EPHB1: variants seen among roughly 807,000 people sequenced by gnomAD.
EPHB1 encodes ephrin type-B receptor 1.
Under a neutral mutation model 94.4 loss-of-function variants are expected in EPHB1, and 30 were observed. That is an observed-to-expected ratio of 0.32 (90% CI 0.24 to 0.43). The LOEUF (loss-of-function observed/expected upper bound fraction) is 0.43, where lower values mean the gene tolerates loss of function less well. EPHB1 is among the 20% of genes least tolerant of loss of function. EPHB1 has a pLI of 1.00. For synonymous variants in EPHB1, 522 were observed against 489.1 expected, an observed-to-expected ratio of 1.07 and a Z score of -0.89; for missense variants, 1,055 against 1,308.3, an observed-to-expected ratio of 0.81 and a Z score of 2.99.
intron 1 of EPHB1, among the ~76,000 whole-genome samples, chr3:134,921,831 T>C (rs2038692948): frequency 6.6e-6 from 1 of 152,230 alleles, no homozygotes; most frequent in East Asian, 1.9e-4. Flanking sequence ...TAGTTAGCTC[T>C]AGGCCCATCC....
intron 3 of EPHB1, among the ~76,000 whole-genome samples, chr3:134,973,318 C>A (rs1934051421): frequency 6.6e-6 from 1 of 151,556 alleles, no homozygotes; most frequent in African/African-American, 2.4e-5. Flanking sequence ...AGGTCCACAG[C>A]AAGTTTCTGG....
At chr3:135,050,217 G>T (rs993666231) in intron 3 of EPHB1, among the ~76,000 whole-genome samples, 1 of 152,168 alleles carries the variant, frequency 6.6e-6, no homozygotes, top group Non-Finnish European at 1.5e-5. Context: ...GATTACACAT[G>T]ATTTTGCTTT....
chr3:134,864,339 G>C (rs1459971160), intron 1 of EPHB1, among the ~76,000 whole-genome samples: 1 of 152,202 alleles, frequency 6.6e-6, no homozygotes, highest in East Asian at 1.9e-4. Flanking sequence ...ACTTCAGAAA[G>C]GGGCTAGCCT....
chr3:134,959,641 C>T (rs1303059072), intron 3 of EPHB1, among the ~76,000 whole-genome samples: 1 of 152,148 alleles, frequency 6.6e-6, no homozygotes, highest in African/African-American at 2.4e-5. Flanking sequence ...AGGGGCAGCT[C>T]CATCTCTCCA....
Position 135,260,137 on chromosome 3 carries a change from T to G in EPHB1, c.*1017T>G, listed in dbSNP as rs149554258. 2.6e-4 allele frequency: 61 copies of G among 233,118 alleles called. No individual in the cohort carries two copies. The East Asian group carries it at 3.1e-3, about 12-fold the overall frequency. The allele number at this position is 233,118 out of a possible 1,614,324, so 14.4% of individuals were successfully genotyped here. A position where few individuals can be genotyped will look rare whatever the true frequency, so the allele number is the denominator to read the frequency against. On this transcript the variant is annotated 3_prime_UTR_variant, in exon 16 of 16. Coordinates refer to ENST00000398015, the MANE Select transcript of EPHB1 (RefSeq NM_004441.5). ...GCCATCCTGGAATGATACTGACTGA[T>G]TAATTATTCCTGATAACATCTCAAG...
intron 1 of EPHB1, among the ~76,000 whole-genome samples, chr3:134,879,626 T>G (rs928476274): frequency 1.3e-5 from 2 of 152,148 alleles, no homozygotes; most frequent in African/African-American, 4.8e-5. Context: ...TACTCCAGCC[T>G]GGGAGACAGA....
chr3:134,859,881 T>C (rs931786619), intron 1 of EPHB1, among the ~76,000 whole-genome samples: 2 of 152,292 alleles, frequency 1.3e-5, no homozygotes, highest in East Asian at 3.9e-4. Flanking sequence ...ATTCTCTTCA[T>C]CATTTTGTTG....
At chr3:134,804,601 C>T (rs1376645734) in intron 1 of EPHB1, among the ~76,000 whole-genome samples, 1 of 152,134 alleles carries the variant, frequency 6.6e-6, no homozygotes, top group Non-Finnish European at 1.5e-5. Flanking sequence ...TCTGGTACTC[C>T]CTTCATAGGC....
chr3:134,943,638 C>T (rs1434738520), intron 2 of EPHB1, among the ~76,000 whole-genome samples: 1 of 152,202 alleles, frequency 6.6e-6, no homozygotes, highest in Non-Finnish European at 1.5e-5. Flanking sequence ...CTTTGGACCA[C>T]ACCCTGATAC....
Position 135,206,802 on chromosome 3 carries a change from T to C in EPHB1, c.2346+5113T>C, listed in dbSNP as rs555392528. Among the ~76,000 whole-genome samples the C allele has an allele frequency of 2.6e-5, 4 of 152,254 alleles. No homozygotes were observed. In the East Asian group the frequency reaches 7.7e-4, roughly 29 times the overall value. On this transcript the variant is annotated intron_variant, in intron 12 of 15. Coordinates refer to ENST00000398015, the MANE Select transcript of EPHB1 (RefSeq NM_004441.5). ...AGGCAGATGTTGCAGAGAGCCAAGA[T>C]TGCGCCATTGCACTCCAGCCTGGGC...
chr3:134,809,327 G>T (rs1292320185), intron 1 of EPHB1, among the ~76,000 whole-genome samples: 1 of 151,592 alleles, frequency 6.6e-6, no homozygotes, highest in Non-Finnish European at 1.5e-5. Flanking sequence ...CCTGCTCTTG[G>T]CTCCAACTTT....
intron 4 of EPHB1, among the ~76,000 whole-genome samples, chr3:135,118,331 C>T (rs1477642310): frequency 6.6e-6 from 1 of 152,218 alleles, no homozygotes; most frequent in African/African-American, 2.4e-5. Context: ...ATACCTCTAA[C>T]ACTAATAACT....
intron 3 of EPHB1, among the ~76,000 whole-genome samples, chr3:135,096,936 A>G (rs543447042): frequency 6.6e-6 from 1 of 152,106 alleles, no homozygotes; most frequent in East Asian, 1.9e-4. Context: ...TCTCTACTTA[A>G]AAAACAAAAG....
chr3:134,936,571 GC>G (rs796214416), intron 2 of EPHB1, among the ~76,000 whole-genome samples: 4 of 151,468 alleles, frequency 2.6e-5, no homozygotes, highest in African/African-American at 9.7e-5. Flanking sequence ...GGCTGAACGC[GC>G]CCCCCCCTCC....
chr3:134,939,381 T>TGG (rs141210191), intron 2 of EPHB1, among the ~76,000 whole-genome samples: 3 of 99,550 alleles, frequency 3.0e-5, no homozygotes, highest in African/African-American at 7.1e-5. Flanking sequence ...GAATGGGGGG[T>TGG]GGGGGGGTGG....
intron 1 of EPHB1, among the ~76,000 whole-genome samples, chr3:134,834,591 T>G (rs1288779052): frequency 6.6e-6 from 1 of 152,192 alleles, no homozygotes; most frequent in African/African-American, 2.4e-5. Context: ...AACAATGCTT[T>G]GACATCTTTT....
intron 3 of EPHB1, among the ~76,000 whole-genome samples, chr3:135,078,998 A>G (rs1938052881): frequency 6.6e-6 from 1 of 152,290 alleles, no homozygotes; most frequent in Non-Finnish European, 1.5e-5. Context: ...ACAATGCTCC[A>G]ATATCCAGCA....
intron 3 of EPHB1, among the ~76,000 whole-genome samples, chr3:135,057,421 C>T (rs1303509956): frequency 1.3e-5 from 2 of 151,912 alleles, no homozygotes; most frequent in African/African-American, 2.4e-5. Context: ...TTTCCTTTCC[C>T]ACTTTCTTTC....
intron 10 of EPHB1, among the ~76,000 whole-genome samples, chr3:135,183,907 G>A (rs1164185156): frequency 6.6e-6 from 1 of 152,212 alleles, no homozygotes; most frequent in Non-Finnish European, 1.5e-5. Flanking sequence ...TGGGTGAAAG[G>A]ACCAAGGTTC....
Sources: allele counts gnomAD v4.1 joint callset (sites outside exome capture counted in the v4.1 genomes callset), GRCh38; gene constraint gnomAD v4.1.1; transcripts MANE v1.5; gene names NCBI Gene and HGNC (gene_info 2026-07-23, HGNC 2026-07-21).